The following SRGAP2 variants were observed in gnomAD, a reference collection of about 807,000 sequenced individuals.
The protein encoded by SRGAP2 is SLIT-ROBO Rho GTPase activating protein 2.
A neutral mutation model predicts 57.2 loss-of-function variants in SRGAP2; 15 were observed. That is an observed-to-expected ratio of 0.26 (90% CI 0.18 to 0.40). The LOEUF (loss-of-function observed/expected upper bound fraction) is 0.40. Among genes scored for constraint, SRGAP2 ranks in the 10% least tolerant of loss-of-function variants. The pLI is 1.00. For synonymous variants in SRGAP2, 249 were observed against 248.0 expected (o/e 1.00, Z -0.04); for missense variants, 520 against 669.6 (o/e 0.78, Z 2.47).
rs543715321 is a variant in SRGAP2, at chr1:206,457,002, G to T, written c.2508-1621G>T. 9.9e-5 allele frequency among the ~76,000 whole-genome samples: 15 copies of T among 152,192 alleles called. No homozygotes were observed. In the South Asian group the frequency reaches 3.1e-3, roughly 32 times the overall value. On this transcript the variant is annotated intron_variant, in intron 21 of 22. Coordinates refer to ENST00000573034, the MANE Select transcript of SRGAP2 (RefSeq NM_015326.5). ...AGGCTGAGTGAGGTGCCCTTATGCTGCATTCCAAAGACACTTTGAATACCT... is the reference window on the plus strand; with the variant it reads ...AGGCTGAGTGAGGTGCCCTTATGCTTCATTCCAAAGACACTTTGAATACCT...
chr1:206,434,985 CA>C (rs1553369502), intron 14 of SRGAP2, among the ~76,000 whole-genome samples: 1 of 152,212 alleles, frequency 6.6e-6, no homozygotes, highest in East Asian at 1.9e-4. Context: ...TTGTTGTTTA[CA>C]TACTATCTTT....
At chr1:206,453,531 C>T (rs1307052450) in intron 20 of SRGAP2, 151 bp downstream of exon 20, 10 of 393,136 alleles carry the variant, frequency 2.5e-5, no homozygotes, top group African/African-American at 1.5e-4. Context: ...GAAGAGCACC[C>T]CCCCCACCCC....
rs1669978078 is a variant in SRGAP2, at chr1:206,268,083, T to TA, written c.68-35198_68-35197insA. Among the ~76,000 whole-genome samples, 624 of 138,242 alleles carry TA rather than the reference T, an allele frequency of 4.5e-3. 3 individuals carry two copies. The highest frequency in any genetic ancestry group is 0.015 in the African/African-American group (544 of 35,580). The allele number at this position is 138,242 out of a possible 152,430, so 90.7% of individuals were successfully genotyped here. On this transcript the variant is annotated intron_variant, in intron 2 of 22. Transcript: ENST00000573034. ...ATGAACATGGACTATATATATATAT[T>TA]TTTTTTTTTTTTTAAATTATACTTT...
intron 2 of SRGAP2, among the ~76,000 whole-genome samples, chr1:206,226,953 T>A (rs1667309372): frequency 6.6e-6 from 1 of 151,798 alleles, no homozygotes; most frequent in Admixed American, 6.6e-5. Flanking sequence ...GTGACTTAGC[T>A]GGTAAATATG....
intron 7 of SRGAP2, among the ~76,000 whole-genome samples, chr1:206,399,173 T>G (rs1287356699): frequency 2.6e-5 from 4 of 152,074 alleles, no homozygotes; most frequent in Non-Finnish European, 5.9e-5. Flanking sequence ...AGCAGATGAA[T>G]CTGAAGAAGA....
intron 4 of SRGAP2, among the ~76,000 whole-genome samples, chr1:206,358,218 T>G (rs566956518): frequency 3.2e-4 from 48 of 151,128 alleles, no homozygotes; most frequent in African/African-American, 1.1e-3. Flanking sequence ...ACTAATGAAA[T>G]TACTCATACC....
intron 2 of SRGAP2, among the ~76,000 whole-genome samples, chr1:206,212,231 T>A (rs1666358971): frequency 6.7e-6 from 1 of 148,438 alleles, no homozygotes; most frequent in Admixed American, 6.7e-5. Flanking sequence ...CCAGGCTGGA[T>A]TGCAGTGGCT....
intron 18 of SRGAP2, among the ~76,000 whole-genome samples, chr1:206,448,467 G>A (rs868951371): frequency 6.6e-6 from 1 of 152,126 alleles, no homozygotes; most frequent in South Asian, 2.1e-4. Flanking sequence ...AGGATTTTAG[G>A]GCTAGAAGAG....
intron 2 of SRGAP2, among the ~76,000 whole-genome samples, chr1:206,208,841 A>G (rs1666126638): frequency 6.6e-6 from 1 of 152,092 alleles, no homozygotes; most frequent in Admixed American, 6.6e-5. Flanking sequence ...TGCAATTTTT[A>G]GAGTCAAAGT....
At chr1:206,226,895 C>T (rs1472728294) in intron 2 of SRGAP2, among the ~76,000 whole-genome samples, 1 of 151,800 alleles carries the variant, frequency 6.6e-6, no homozygotes, top group African/African-American at 2.4e-5. Context: ...GCACCTTCCT[C>T]CTTCTTAGAA....
Position 206,454,218 on chromosome 1 carries a change from G to T in SRGAP2, c.2361-660G>T. On this transcript the variant is annotated intron_variant, in intron 20 of 22. Transcript: ENST00000573034. This position sits in a 1 kb window ranked among gnomAD's most constrained non-coding sequence, Gnocchi z 4.3. ...TCTGCAGGGAAATCCTCCCTCTGTT[G>T]ATAGCATCGCAAACCTGGTGGCAAT... 1 of 702,244 alleles carries T rather than the reference G, an allele frequency of 1.4e-6. No individual in the cohort carries two copies. The highest frequency in any genetic ancestry group is 2.0e-5 in the Admixed American group (1 of 49,990). The allele number at this position is 702,244 out of a possible 1,614,324, so 43.5% of individuals were successfully genotyped here.
intron 2 of SRGAP2, among the ~76,000 whole-genome samples, chr1:206,267,091 C>T (rs1285200445): frequency 6.6e-6 from 1 of 151,640 alleles, no homozygotes; most frequent in Non-Finnish European, 1.5e-5. Context: ...GCCTCAGCCT[C>T]CCAAGTAGCT....
intron 3 of SRGAP2, among the ~76,000 whole-genome samples, chr1:206,341,992 T>C (rs764511419): frequency 3.6e-4 from 55 of 151,998 alleles, no homozygotes; most frequent in Non-Finnish European, 6.9e-4. Flanking sequence ...AGTGAGACTT[T>C]GTCTCAAAAA....
At chr1:206,257,529 G>A (rs1347710785) in intron 2 of SRGAP2, among the ~76,000 whole-genome samples, 2 of 134,692 alleles carry the variant, frequency 1.5e-5, no homozygotes, top group Admixed American at 1.5e-4. Flanking sequence ...AAGATCACTG[G>A]TGGCAGTGAA....
At chr1:206,442,157 C>T (rs1049851777) in intron 17 of SRGAP2, among the ~76,000 whole-genome samples, 7 of 152,120 alleles carry the variant, frequency 4.6e-5, no homozygotes, top group African/African-American at 1.7e-4. Flanking sequence ...TTCTGGGGCA[C>T]CCACACTATC....
At chr1:206,457,428 C>T (rs1663932578) in intron 21 of SRGAP2, among the ~76,000 whole-genome samples, 1 of 152,162 alleles carries the variant, frequency 6.6e-6, no homozygotes, top group African/African-American at 2.4e-5. Flanking sequence ...GGGAGGGGTC[C>T]ATTCTTCCTG....
At chr1:206,440,581 C>T (rs565091137) in intron 17 of SRGAP2, among the ~76,000 whole-genome samples, 41 of 151,628 alleles carry the variant, frequency 2.7e-4, no homozygotes, top group Admixed American at 9.8e-4. Flanking sequence ...CGGAGTCTTG[C>T]TCTGTCTCCA....
intron 3 of SRGAP2, among the ~76,000 whole-genome samples, chr1:206,335,059 T>C (rs1405067064): frequency 6.7e-6 from 1 of 150,218 alleles, no homozygotes; most frequent in Non-Finnish European, 1.5e-5. Context: ...TTTATGTTCC[T>C]CGGTCATTGA....
At chr1:206,363,691 A>G (rs1343878046) in intron 4 of SRGAP2, among the ~76,000 whole-genome samples, 2 of 152,094 alleles carry the variant, frequency 1.3e-5, no homozygotes, top group Middle Eastern at 3.4e-3. Flanking sequence ...ATTTTGTAGA[A>G]TGTTCCTCAA....
Sources: allele counts gnomAD v4.1 joint callset (sites outside exome capture counted in the v4.1 genomes callset), GRCh38; gene constraint gnomAD v4.1.1; non-coding constraint Gnocchi (gnomAD v3.1); transcripts MANE v1.5; gene names NCBI Gene and HGNC (gene_info 2026-07-23, HGNC 2026-07-21).